Variants in SYTL5 observed in about 807,000 individuals in gnomAD.
SYTL5 encodes the protein synaptotagmin like 5.
In SYTL5, 34 loss-of-function variants were observed where a neutral mutation model predicts 55.9. The observed-to-expected ratio is 0.61, with a 90% confidence interval of 0.46 to 0.81. The LOEUF (loss-of-function observed/expected upper bound fraction) is 0.81. Ranked by LOEUF, SYTL5 falls within the 30% of genes least tolerant of loss-of-function variation. The pLI, the probability that SYTL5 is intolerant of heterozygous loss-of-function variation, is 0.00. For missense variants in SYTL5, 637 were observed against 546.7 expected, an observed-to-expected ratio of 1.17 and a Z score of -1.65; for synonymous variants, 221 against 188.7, an observed-to-expected ratio of 1.17 and a Z score of -1.40.
intron 2 of SYTL5, among the ~76,000 whole-genome samples, chrX:38,050,594 C>T (rs1935595867): frequency 9.1e-6 from 1 of 110,428 alleles, no homozygotes; most frequent in Non-Finnish European, 1.9e-5. Context: ...CTTCCCTGGG[C>T]AAGCAGCAGT....
chrX:37,977,771 C>T, the SYTL5 span, among the ~76,000 whole-genome samples: 1 of 108,615 alleles, frequency 9.2e-6, no homozygotes, highest in Non-Finnish European at 1.9e-5. Flanking sequence ...AGATTTCTTA[C>T]TCACATAATA....
At chrX:38,055,148 G>T (rs960735043) in intron 3 of SYTL5, among the ~76,000 whole-genome samples, 1 of 111,828 alleles carries the variant, frequency 8.9e-6, no homozygotes, top group African/African-American at 3.3e-5. Flanking sequence ...CTGGCAATAT[G>T]GTTCTCACAT....
chrX:38,113,907 C>T (rs185919192), intron 13 of SYTL5, among the ~76,000 whole-genome samples: 144 of 111,106 alleles, frequency 1.3e-3, no homozygotes, highest in African/African-American at 4.5e-3. Context: ...CGTCAATACT[C>T]CCACGTTCTT....
intron 10 of SYTL5, among the ~76,000 whole-genome samples, chrX:38,103,772 T>G (rs73467486): frequency 2.4e-3 from 269 of 110,931 alleles, no homozygotes; most frequent in African/African-American, 8.5e-3. Context: ...ACTTTCTCAG[T>G]TCAAAAAGCC....
the SYTL5 span, among the ~76,000 whole-genome samples, chrX:37,911,722 T>C: frequency 9.0e-6 from 1 of 111,679 alleles, no homozygotes; most frequent in African/African-American, 3.3e-5. Context: ...CTTCATAGAA[T>C]TAAATCGGTA....
the SYTL5 span, among the ~76,000 whole-genome samples, chrX:37,919,798 C>G: frequency 8.9e-6 from 1 of 112,268 alleles, no homozygotes. Flanking sequence ...TTTTTGTAAC[C>G]TTTTTGTGTT....
intron 12 of SYTL5, among the ~76,000 whole-genome samples, chrX:38,108,946 A>G (rs1157002624): frequency 8.9e-6 from 1 of 112,566 alleles, no homozygotes; most frequent in Non-Finnish European, 1.9e-5. Context: ...GGATCCAGCC[A>G]AACTGCATCG....
chrX:38,125,932 A>G (rs1337465421), intron 16 of SYTL5, among the ~76,000 whole-genome samples: 1 of 111,814 alleles, frequency 8.9e-6, no homozygotes, highest in Non-Finnish European at 1.9e-5. Context: ...GCTATTATTC[A>G]TACTGGTTGA....
the SYTL5 span, among the ~76,000 whole-genome samples, chrX:37,933,090 G>T: frequency 9.0e-6 from 1 of 111,277 alleles, no homozygotes; most frequent in Non-Finnish European, 1.9e-5. Context: ...ATTTAAAGGA[G>T]GTGGCGATAT....
At chrX:37,944,900 C>T in the SYTL5 span, among the ~76,000 whole-genome samples, 1 of 112,538 alleles carries the variant, frequency 8.9e-6, no homozygotes, top group Non-Finnish European at 1.9e-5. Flanking sequence ...AAGTCCTTGC[C>T]TCAGGGTCTA....
At chrX:38,022,477 C>G (rs953127048) in intron 1 of SYTL5, among the ~76,000 whole-genome samples, 4 of 111,957 alleles carry the variant, frequency 3.6e-5, no homozygotes, top group Non-Finnish European at 7.5e-5. Context: ...GTTTCCTTGT[C>G]TTTTCCAGCT....
At chrX:38,096,015 C>G in intron 8 of SYTL5, 119 bp from the exon 9 acceptor site, 1 of 376,261 alleles carries the variant, frequency 2.7e-6, no homozygotes, top group Non-Finnish European at 4.6e-6. Flanking sequence ...TTTCATGGCA[C>G]TATTTATGAT....
At chrX:37,915,059 G>T in the SYTL5 span, among the ~76,000 whole-genome samples, 56 of 111,421 alleles carry the variant, frequency 5.0e-4, no homozygotes, top group Non-Finnish European at 9.6e-4. Flanking sequence ...TCCTGAAGCT[G>T]CCCATTGCTC....
chrX:37,893,723 TATATATA>T, the SYTL5 span, among the ~76,000 whole-genome samples: 1 of 85,080 alleles, frequency 1.2e-5, no homozygotes, highest in Admixed American at 1.4e-4. Flanking sequence ...AACTATAGAT[TATATATA>T]ATCTATAGAT....
At chrX:38,066,931 C>T (rs768602191) in intron 3 of SYTL5, among the ~76,000 whole-genome samples, 1 of 111,528 alleles carries the variant, frequency 9.0e-6, no homozygotes, top group African/African-American at 3.3e-5. Context: ...TACTTCATTG[C>T]TTATAGTGAG....
chrX:37,905,108 G>A, the SYTL5 span, among the ~76,000 whole-genome samples: 4 of 110,641 alleles, frequency 3.6e-5, no homozygotes, highest in Non-Finnish European at 5.7e-5. Context: ...CATCTTGACC[G>A]TCCCAACGAA....
chrX:37,985,916 G>C, the SYTL5 span, among the ~76,000 whole-genome samples: 40 of 111,313 alleles, frequency 3.6e-4, no homozygotes, highest in African/African-American at 1.1e-3. Flanking sequence ...GGAAGGAAGA[G>C]CACTATCAAA....
the SYTL5 span, among the ~76,000 whole-genome samples, chrX:37,982,465 C>A: frequency 2.7e-5 from 3 of 112,171 alleles, no homozygotes; most frequent in Non-Finnish European, 5.6e-5. Context: ...TAATTCACAT[C>A]TATGCAAATA....
chrX:38,027,087 G>A (rs1305062701), intron 1 of SYTL5, among the ~76,000 whole-genome samples: 1 of 111,676 alleles, frequency 9.0e-6, no homozygotes, highest in Admixed American at 9.6e-5. Context: ...GAGTAGAGAG[G>A]AGCTCAGTTG....
Sources: gnomAD v4.1 joint callset for allele counts (sites outside exome capture counted in the v4.1 genomes callset) on GRCh38, gnomAD v4.1.1 for gene constraint, MANE v1.5 for transcripts, NCBI Gene and HGNC (gene_info 2026-07-23, HGNC 2026-07-21) for gene names.